The following PLD5 variants were observed in gnomAD, a reference collection of about 807,000 sequenced individuals.
The protein encoded by PLD5 is phospholipase D family member 5.
In PLD5, 36 loss-of-function variants were observed where a neutral mutation model predicts 61.1. That is an observed-to-expected ratio of 0.59 (90% CI 0.45 to 0.78). PLD5 has a LOEUF of 0.78. Ranked by LOEUF, PLD5 falls within the 30% of genes least tolerant of loss-of-function variation. The pLI, the probability that PLD5 is intolerant of heterozygous loss-of-function variation, is 0.00. For synonymous variants in PLD5, 243 were observed against 242.8 expected (o/e 1.00, Z -0.01); for missense variants, 515 against 644.4 (o/e 0.80, Z 2.17).
rs1329663795 is a variant in PLD5, at chr1:242,273,361, A to G, written c.496-7913T>C. ...TTTGGGTTGGTTCCAAGTCTTTGCT[A>G]TTGTAAATAGAGGCACAATATTTTT... On this transcript the variant is annotated intron_variant, in intron 3 of 9. Transcript: ENST00000536534. Among the ~76,000 whole-genome samples the G allele has an allele frequency of 2.6e-5, 4 of 152,100 alleles. No individual in the cohort carries two copies. The East Asian group carries it at 5.8e-4, about 22-fold the overall frequency.
At chr1:242,136,791 T>C (rs961557099) in intron 5 of PLD5, among the ~76,000 whole-genome samples, 2 of 152,164 alleles carry the variant, frequency 1.3e-5, no homozygotes, top group African/African-American at 4.8e-5. Flanking sequence ...CAATTTCCCA[T>C]TAAAGGGATC....
At chr1:242,157,881 C>A (rs1665512485) in intron 5 of PLD5, among the ~76,000 whole-genome samples, 1 of 152,240 alleles carries the variant, frequency 6.6e-6, no homozygotes, top group Non-Finnish European at 1.5e-5. Context: ...AGCTGTCAGG[C>A]AGGGATGTTT....
intron 2 of PLD5, among the ~76,000 whole-genome samples, chr1:242,302,781 C>T (rs779865303): frequency 5.9e-5 from 9 of 152,146 alleles, no homozygotes; most frequent in Non-Finnish European, 1.3e-4. Context: ...CTGGGTATCT[C>T]CCAAATACAT....
intron 3 of PLD5, among the ~76,000 whole-genome samples, chr1:242,272,727 T>C (rs1574648278): frequency 2.0e-5 from 3 of 152,126 alleles, no homozygotes; most frequent in Admixed American, 1.3e-4. Context: ...AGCAAAACCA[T>C]GAAAGGAGGC....
upstream of PLD5, among the ~76,000 whole-genome samples, chr1:242,527,064 A>G (rs549413954): frequency 6.8e-6 from 1 of 147,070 alleles, no homozygotes; most frequent in Non-Finnish European, 1.5e-5. Context: ...TTTAAACTAT[A>G]CCTTTATAGG....
rs559587322 is a variant in PLD5 at position 242,135,456 on chromosome 1, C to T, written c.736-10791G>A. Among the ~76,000 whole-genome samples the T allele has an allele frequency of 3.9e-5, 6 of 152,310 alleles. No homozygotes were observed. The South Asian group carries it at 1.2e-3, about 32-fold the overall frequency. On this transcript the variant is annotated intron_variant, in intron 5 of 9. Transcript: ENST00000536534. ...CATATGAAAATTACAAATGCACTTG[C>T]CATTCTCTGCTGCTGCCTGACTCAA...
intron 2 of PLD5, among the ~76,000 whole-genome samples, chr1:242,302,733 A>T (rs1403812224): frequency 6.6e-6 from 1 of 152,196 alleles, no homozygotes; most frequent in Non-Finnish European, 1.5e-5. Flanking sequence ...AAATTTTTTT[A>T]AATTAAACTT....
intron 1 of PLD5, among the ~76,000 whole-genome samples, chr1:242,418,228 C>A (rs1664934690): frequency 6.6e-6 from 1 of 152,052 alleles, no homozygotes; most frequent in Admixed American, 6.6e-5. Flanking sequence ...TTAGCCTGAG[C>A]AACTGGAAGG....
intron 1 of PLD5, among the ~76,000 whole-genome samples, chr1:242,461,893 C>T (rs942594805): frequency 6.6e-6 from 1 of 152,082 alleles, no homozygotes; most frequent in African/African-American, 2.4e-5. Flanking sequence ...CAGTTCATGT[C>T]CTTTGCCCAT....
intron 5 of PLD5, among the ~76,000 whole-genome samples, chr1:242,196,591 TAC>T (rs1395608727): frequency 6.6e-6 from 1 of 152,212 alleles, no homozygotes; most frequent in South Asian, 2.1e-4. Context: ...CATATACATG[TAC>T]ACACACATAT....
chr1:242,462,696 T>C (rs928501986), intron 1 of PLD5, among the ~76,000 whole-genome samples: 1 of 152,102 alleles, frequency 6.6e-6, no homozygotes, highest in African/African-American at 2.4e-5. Flanking sequence ...AGGCTGTGTT[T>C]TCTCCCTTAG....
chr1:242,450,911 G>A (rs945020714), intron 1 of PLD5, among the ~76,000 whole-genome samples: 2 of 152,162 alleles, frequency 1.3e-5, no homozygotes, highest in Non-Finnish European at 2.9e-5. Flanking sequence ...CATGAATTCA[G>A]TAAGTGAATA....
chr1:242,410,956 C>CA (rs202231265), intron 1 of PLD5, among the ~76,000 whole-genome samples: 9,876 of 127,812 alleles, frequency 0.077, 379 homozygotes, highest in Middle Eastern at 0.21. Flanking sequence ...TACCAATAAT[C>CA]GAAAAAAAAA....
chr1:242,438,666 A>G (rs906566510), intron 1 of PLD5, among the ~76,000 whole-genome samples: 4 of 151,952 alleles, frequency 2.6e-5, no homozygotes, highest in African/African-American at 9.7e-5. Context: ...GTTGGTCTCG[A>G]ACTCCTGACC....
chr1:242,296,456 A>G (rs572552892), intron 2 of PLD5, among the ~76,000 whole-genome samples: 1 of 152,288 alleles, frequency 6.6e-6, no homozygotes, highest in East Asian at 1.9e-4. Flanking sequence ...AAAGCATAGG[A>G]TCAACAAGAC....
At chr1:242,161,044 CAAT>C (rs972404592) in intron 5 of PLD5, among the ~76,000 whole-genome samples, 24 of 151,452 alleles carry the variant, frequency 1.6e-4, no homozygotes, top group African/African-American at 5.8e-4. Context: ...TAAGTTGGTA[CAAT>C]AATATTTACT....
chr1:242,444,437 C>G (rs1431456495), intron 1 of PLD5, among the ~76,000 whole-genome samples: 2 of 151,700 alleles, frequency 1.3e-5, no homozygotes, highest in Admixed American at 6.6e-5. Flanking sequence ...TACAGGTTAT[C>G]AATGATCAAG....
At chr1:242,438,276 T>C (rs1041279330) in intron 1 of PLD5, among the ~76,000 whole-genome samples, 1 of 150,970 alleles carries the variant, frequency 6.6e-6, no homozygotes, top group African/African-American at 2.4e-5. Flanking sequence ...TTTTTTTTTT[T>C]TTTTTGAGAT....
rs557396187 is a variant in PLD5, at chr1:242,507,671, C to T, written c.189+16417G>A. Among the ~76,000 whole-genome samples the T allele has an allele frequency of 7.9e-5, 12 of 152,296 alleles. No individual in the cohort carries two copies. In the South Asian group the frequency reaches 1.7e-3, roughly 21 times the overall value. ...GATTGTATTAAGTTTATTTCTTCTTCGAACAGGTCCATTGGCTAAAACAAC... is the reference window on the plus strand; with the variant it reads ...GATTGTATTAAGTTTATTTCTTCTTTGAACAGGTCCATTGGCTAAAACAAC... On this transcript the variant is annotated intron_variant, in intron 1 of 9. Coordinates refer to ENST00000536534, the MANE Select transcript of PLD5 (RefSeq NM_001372062.1).
Sources: gnomAD v4.1 joint callset for allele counts (sites outside exome capture counted in the v4.1 genomes callset) on GRCh38, gnomAD v4.1.1 for gene constraint, MANE v1.5 for transcripts, NCBI Gene and HGNC (gene_info 2026-07-23, HGNC 2026-07-21) for gene names.